PAX5: variants seen among roughly 807,000 people sequenced by gnomAD.
PAX5 encodes the protein paired box protein Pax-5.
PAX5 carries 9 observed loss-of-function variants against 43.7 expected under a neutral mutation model. The ratio of observed to expected loss-of-function variants is 0.21; its 90% CI spans 0.12 to 0.36. PAX5 has a LOEUF of 0.36. Among genes scored for constraint, PAX5 ranks in the 10% least tolerant of loss-of-function variants. The probability of loss-of-function intolerance (pLI) is 1.00; values close to 1 mark genes in which losing one functional copy is unlikely to be tolerated. For missense variants in PAX5, 383 were observed against 532.7 expected, an observed-to-expected ratio of 0.72 and a Z score of 2.77; for synonymous variants, 228 against 214.3, an observed-to-expected ratio of 1.06 and a Z score of -0.56.
intron 1 of PAX5, 51 bp downstream of exon 1, chr9:37,033,935 C>G: frequency 1.3e-6 from 2 of 1,593,326 alleles, no homozygotes; most frequent in Non-Finnish European, 1.7e-6. Context: ...GGGACCAAGG[C>G]CTGGCCGTGT....
chr9:36,925,882 A>C (rs1186002891), intron 6 of PAX5, among the ~76,000 whole-genome samples: 1 of 151,944 alleles, frequency 6.6e-6, no homozygotes, highest in African/African-American at 2.4e-5. Context: ...TTTCATAACC[A>C]CCATTCCCCA....
chr9:36,872,276 C>G (rs1206878882), intron 8 of PAX5, among the ~76,000 whole-genome samples: 2 of 152,240 alleles, frequency 1.3e-5, no homozygotes, highest in African/African-American at 2.4e-5. Flanking sequence ...TTATTATTCA[C>G]AGCCCCAGAT....
chr9:36,837,129 C>G lies in PAX5; in HGVS notation c.*3431G>C, dbSNP rs1821698161. The G allele has an allele frequency of 4.3e-6, 1 of 233,070 alleles. No individual in the cohort carries two copies. The highest frequency in any genetic ancestry group is 8.5e-6 in the Non-Finnish European group (1 of 117,950). The allele number at this position is 233,070 out of a possible 1,614,324, so 14.4% of individuals were successfully genotyped here. The stretch of plus-strand genomic sequence containing the variant: ...GGAGTGTCTTTAAGCCATACACTCC[C>G]ATGACAGGAGCACAACTCGGTGGAG... On this transcript the variant is annotated 3_prime_UTR_variant, in exon 10 of 10. Coordinates refer to ENST00000358127, the MANE Select transcript of PAX5 (RefSeq NM_016734.3).
At chr9:36,909,176 A>G (rs1829052854) in intron 7 of PAX5, among the ~76,000 whole-genome samples, 2 of 152,168 alleles carry the variant, frequency 1.3e-5, no homozygotes, top group South Asian at 4.1e-4. Context: ...TGAAAAAGCA[A>G]ATACTTCAAA....
At chr9:36,964,214 G>C (rs1157399731) in intron 6 of PAX5, among the ~76,000 whole-genome samples, 1 of 151,880 alleles carries the variant, frequency 6.6e-6, no homozygotes, top group African/African-American at 2.4e-5. Context: ...CCGGGAGGTG[G>C]AGCTTGCAGT....
At chr9:36,885,764 GA>G (rs1826853889) in intron 7 of PAX5, among the ~76,000 whole-genome samples, 1 of 152,156 alleles carries the variant, frequency 6.6e-6, no homozygotes, top group Non-Finnish European at 1.5e-5. Flanking sequence ...GCACAGTGTG[GA>G]AGGTAATTCT....
intron 8 of PAX5, among the ~76,000 whole-genome samples, chr9:36,851,165 G>C (rs2131607992): frequency 1.3e-5 from 2 of 152,246 alleles, no homozygotes; most frequent in East Asian, 3.8e-4. Flanking sequence ...AGAAGTAAGT[G>C]AAAGAATGTT....
At chr9:36,918,617 C>T (rs149970702) in intron 7 of PAX5, among the ~76,000 whole-genome samples, 2,436 of 152,220 alleles carry the variant, frequency 0.016, 67 homozygotes, top group African/African-American at 0.054. Context: ...GCCATGATTG[C>T]ACCACTGCAC....
chr9:36,864,648 C>A (rs747923247), intron 8 of PAX5, among the ~76,000 whole-genome samples: 4 of 152,218 alleles, frequency 2.6e-5, no homozygotes, highest in Admixed American at 6.5e-5. Context: ...CCAGCCTCCC[C>A]CCTCAGCCCA....
intron 6 of PAX5, among the ~76,000 whole-genome samples, chr9:36,951,042 T>C (rs1832964827): frequency 6.6e-6 from 1 of 152,136 alleles, no homozygotes; most frequent in African/African-American, 2.4e-5. Context: ...GCATGAATTT[T>C]CTTTTCTATA....
intron 7 of PAX5, among the ~76,000 whole-genome samples, chr9:36,888,239 G>A (rs549956913): frequency 2.0e-5 from 3 of 152,196 alleles, no homozygotes; most frequent in Admixed American, 1.3e-4. Context: ...GAGTTACCAC[G>A]TGACCCAGCA....
chr9:36,865,949 C>T (rs1036975717), intron 8 of PAX5, among the ~76,000 whole-genome samples: 2 of 152,242 alleles, frequency 1.3e-5, no homozygotes, highest in African/African-American at 2.4e-5. Context: ...TCTGCCCATC[C>T]TCGGGCAGGT....
intron 5 of PAX5, among the ~76,000 whole-genome samples, chr9:36,986,113 T>A (rs897076152): frequency 5.9e-5 from 9 of 151,918 alleles, no homozygotes; most frequent in African/African-American, 1.7e-4. Context: ...GCGCGCATCA[T>A]CTGCTCCGCT....
chr9:37,014,686 G>A (rs921437276), intron 3 of PAX5, among the ~76,000 whole-genome samples: 1 of 152,200 alleles, frequency 6.6e-6, no homozygotes, highest in African/African-American at 2.4e-5. Flanking sequence ...ACAATTCACT[G>A]TGAAGTGTTC....
intron 6 of PAX5, among the ~76,000 whole-genome samples, chr9:36,931,861 A>G (rs1290943258): frequency 6.6e-6 from 1 of 152,080 alleles, no homozygotes; most frequent in East Asian, 1.9e-4. Context: ...AAAAAAAAAA[A>G]AAAAAAAATC....
intron 8 of PAX5, among the ~76,000 whole-genome samples, chr9:36,876,200 C>A (rs1265865344): frequency 6.6e-6 from 1 of 152,232 alleles, no homozygotes; most frequent in African/African-American, 2.4e-5. Flanking sequence ...CACAAGGCTG[C>A]GCCCACCTCT....
intron 8 of PAX5, among the ~76,000 whole-genome samples, chr9:36,873,683 A>G (rs1225039213): frequency 1.3e-5 from 2 of 152,206 alleles, no homozygotes; most frequent in African/African-American, 4.8e-5. Context: ...TAGGTCACGG[A>G]GGTGCCTGGA....
At chr9:37,019,265 C>T (rs183251164) in intron 2 of PAX5, among the ~76,000 whole-genome samples, 2 of 152,190 alleles carry the variant, frequency 1.3e-5, no homozygotes, top group Admixed American at 6.5e-5. Context: ...TTTCTTCTCT[C>T]GCTCCCATCC....
At chr9:36,977,347 C>T (rs1401485215) in intron 5 of PAX5, among the ~76,000 whole-genome samples, 1 of 151,876 alleles carries the variant, frequency 6.6e-6, no homozygotes, top group East Asian at 1.9e-4. Flanking sequence ...AGTAACTTGC[C>T]CAAGATCACA....
Sources: allele counts gnomAD v4.1 joint callset (sites outside exome capture counted in the v4.1 genomes callset), GRCh38; gene constraint gnomAD v4.1.1; transcripts MANE v1.5; gene names NCBI Gene and HGNC (gene_info 2026-07-23, HGNC 2026-07-21).